Variants in CUX1 observed in about 807,000 individuals in gnomAD.
The protein encoded by CUX1 is cut like homeobox 1.
A neutral mutation model predicts 158.8 loss-of-function variants in CUX1; 31 were observed. The observed-to-expected ratio is 0.20, with a 90% CI of 0.15 to 0.26. CUX1 has a LOEUF of 0.26. Among genes scored for constraint, CUX1 ranks in the 10% least tolerant of loss-of-function variants. The probability of loss-of-function intolerance (pLI) is 1.00; values close to 1 mark genes in which losing one functional copy is unlikely to be tolerated. For missense variants in CUX1, 1,589 were observed against 2,014.6 expected (o/e 0.79, Z 4.04); for synonymous variants, 879 against 862.1 (o/e 1.02, Z -0.34).
intron 6 of CUX1, among the ~76,000 whole-genome samples, chr7:102,106,894 A>G (rs782277218): frequency 6.6e-6 from 1 of 152,210 alleles, no homozygotes; most frequent in Non-Finnish European, 1.5e-5. Flanking sequence ...CTGCAGCATC[A>G]TGAAGGCCTC....
At chr7:102,154,345 C>T (rs1836013433) in intron 8 of CUX1, 1 of 152,036 alleles carries the variant, frequency 6.6e-6, no homozygotes, top group African/African-American at 2.4e-5. Flanking sequence ...TGCAGTGGTT[C>T]ACACCTATAA....
intron 2 of CUX1, among the ~76,000 whole-genome samples, chr7:101,945,519 G>A (rs1398350464): frequency 6.6e-5 from 10 of 152,266 alleles, no homozygotes; most frequent in Non-Finnish European, 4.4e-5. Flanking sequence ...TCATTATGCT[G>A]GGCACGGTCC....
intron 2 of CUX1, among the ~76,000 whole-genome samples, chr7:102,010,400 A>AAAC (rs1817859914): frequency 6.6e-6 from 1 of 151,208 alleles, no homozygotes; most frequent in Non-Finnish European, 1.5e-5. Flanking sequence ...CTGTCTCAAA[A>AAAC]AAAAAAAAAA....
At chr7:101,934,977 G>A (rs1806745526) in intron 2 of CUX1, among the ~76,000 whole-genome samples, 1 of 152,144 alleles carries the variant, frequency 6.6e-6, no homozygotes, top group Non-Finnish European at 1.5e-5. Context: ...AGGAGTGGAT[G>A]GAGGGGATCT....
chr7:102,169,468 C>A (rs1247851006), intron 9 of CUX1, among the ~76,000 whole-genome samples: 1 of 152,236 alleles, frequency 6.6e-6, no homozygotes, highest in Non-Finnish European at 1.5e-5. Context: ...CCATGTCATT[C>A]GCCACCATCT....
chr7:102,264,662 G>A (rs1790670312), intron 14 of CUX1: 1 of 152,360 alleles, frequency 6.6e-6, no homozygotes, highest in Non-Finnish European at 1.5e-5. Context: ...GTCAGCACAG[G>A]GGAAGCCCTC....
At chr7:102,244,797 A>C (rs1554536320) in intron 23 of CUX1, among the ~76,000 whole-genome samples, 1 of 152,156 alleles carries the variant, frequency 6.6e-6, no homozygotes, top group Non-Finnish European at 1.5e-5. Context: ...AAACAGGTCC[A>C]CCCAGTTAGG....
At chr7:102,211,135 A>C (rs1047050172) in intron 20 of CUX1, among the ~76,000 whole-genome samples, 1 of 152,272 alleles carries the variant, frequency 6.6e-6, no homozygotes, top group Admixed American at 6.5e-5. Context: ...ACCCCTGGGC[A>C]TTCCACAGCA....
intron 8 of CUX1, among the ~76,000 whole-genome samples, chr7:102,157,586 C>T (rs1159313764): frequency 6.6e-6 from 1 of 152,176 alleles, no homozygotes; most frequent in Non-Finnish European, 1.5e-5. Context: ...TTGAGACCAG[C>T]CTGGCCAACA....
intron 2 of CUX1, among the ~76,000 whole-genome samples, chr7:101,977,782 T>TA (rs1168789936): frequency 2.0e-5 from 3 of 152,082 alleles, no homozygotes; most frequent in Admixed American, 1.3e-4. Context: ...AAAATAATAA[T>TA]AATAAATAAA....
rs34948858 is a variant in CUX1, at chr7:101,991,758, C to CA, written c.142-36321dup. 3.9e-3 allele frequency among the ~76,000 whole-genome samples: 454 copies of CA among 115,886 alleles called. 2 individuals are homozygous for CA. Among genetic ancestry groups the CA allele is most frequent in the Non-Finnish European group, 4.7e-3 (260 of 55,140 alleles). 76.0% of individuals were successfully genotyped at this position (115,886 alleles called of 152,430 possible). A position where few individuals can be genotyped will look rare whatever the true frequency, so the allele number is the denominator to read the frequency against. On this transcript the variant is annotated intron_variant, in intron 2 of 23. Coordinates refer to ENST00000292535, the MANE Select transcript of CUX1 (RefSeq NM_181552.4). ...TGGGGAACAGAGTGAGACTTCATCT[C>CA]AAAAAAAAAAAAAAAAAAATCAGTT... is the stretch of plus-strand genomic sequence containing the variant.
intron 20 of CUX1, among the ~76,000 whole-genome samples, chr7:102,212,243 C>T (rs1796610108): frequency 6.6e-6 from 1 of 152,166 alleles, no homozygotes; most frequent in South Asian, 2.1e-4. Context: ...ATGTCAGGGG[C>T]AGCCAGTGCT....
intron 6 of CUX1, among the ~76,000 whole-genome samples, chr7:102,105,523 T>TTTTC: frequency 6.8e-6 from 1 of 148,018 alleles, no homozygotes; most frequent in African/African-American, 2.5e-5. Flanking sequence ...TTTTTTTTTT[T>TTTTC]TTTTTTAAGA....
intron 2 of CUX1, among the ~76,000 whole-genome samples, chr7:101,941,874 G>A (rs560128057): frequency 9.8e-5 from 15 of 152,308 alleles, no homozygotes; most frequent in African/African-American, 3.6e-4. Context: ...GAAAAGAGCA[G>A]AAACTGCTCA....
At chr7:102,023,787 A>G (rs1183566925) in intron 2 of CUX1, among the ~76,000 whole-genome samples, 1 of 152,226 alleles carries the variant, frequency 6.6e-6, no homozygotes, top group African/African-American at 2.4e-5. Flanking sequence ...CAGTTTGTGT[A>G]TGATACGTGT....
At chr7:102,010,515 T>C (rs1817875912) in intron 2 of CUX1, among the ~76,000 whole-genome samples, 1 of 152,016 alleles carries the variant, frequency 6.6e-6, no homozygotes, top group Non-Finnish European at 1.5e-5. Context: ...TGATTGGGCC[T>C]CTCTTTCATA....
intron 6 of CUX1, among the ~76,000 whole-genome samples, chr7:102,109,418 C>T (rs1830672738): frequency 1.3e-5 from 2 of 152,262 alleles, no homozygotes; most frequent in South Asian, 2.1e-4. Context: ...TACGAAAACA[C>T]ACTTACATAT....
chr7:102,011,974 A>G (rs923176102), intron 2 of CUX1, among the ~76,000 whole-genome samples: 14 of 151,100 alleles, frequency 9.3e-5, no homozygotes, highest in African/African-American at 3.4e-4. Context: ...ACACCTGGCT[A>G]ATTTTTGTAT....
chr7:101,847,375 T>C (rs1188089481), intron 1 of CUX1, among the ~76,000 whole-genome samples: 4 of 152,104 alleles, frequency 2.6e-5, no homozygotes, highest in Non-Finnish European at 5.9e-5. Context: ...CGGCACCTGA[T>C]CCCTATCAGC....
Sources: gnomAD v4.1 joint callset for allele counts (sites outside exome capture counted in the v4.1 genomes callset) on GRCh38, gnomAD v4.1.1 for gene constraint, MANE v1.5 for transcripts, NCBI Gene and HGNC (gene_info 2026-07-23, HGNC 2026-07-21) for gene names.